Variants in KHDRBS3 observed in about 807,000 individuals in gnomAD.
KHDRBS3 encodes KH RNA binding domain containing, signal transduction associated 3, also known as KH domain-containing, RNA-binding, signal transduction-associated protein 3.
A neutral mutation model predicts 45.6 loss-of-function variants in KHDRBS3; 23 were observed. The observed-to-expected ratio is 0.50, with a 90% CI of 0.36 to 0.72. KHDRBS3 has a LOEUF of 0.72. Among genes scored for constraint, KHDRBS3 ranks in the 30% least tolerant of loss-of-function variants. KHDRBS3 has a pLI of 0.00. For missense variants in KHDRBS3, 352 were observed against 424.8 expected, an observed-to-expected ratio of 0.83 and a Z score of 1.51; for synonymous variants, 162 against 156.5, an observed-to-expected ratio of 1.04 and a Z score of -0.26.
At chr8:135,639,680 G>T (rs112996545) in intron 7 of KHDRBS3, among the ~76,000 whole-genome samples, 19 of 152,340 alleles carry the variant, frequency 1.2e-4, no homozygotes, top group African/African-American at 4.3e-4. Context: ...TCACAGTTCT[G>T]CAGGCTGTAC....
intron 1 of KHDRBS3, among the ~76,000 whole-genome samples, chr8:135,459,446 T>A (rs1586538261): frequency 6.6e-6 from 1 of 152,090 alleles, no homozygotes; most frequent in East Asian, 1.9e-4. Flanking sequence ...AGAAAAAAAA[T>A]TAAGTTTTAT....
chr8:135,493,159 G>A (rs1012524833), intron 1 of KHDRBS3, among the ~76,000 whole-genome samples: 4 of 151,624 alleles, frequency 2.6e-5, no homozygotes, highest in African/African-American at 9.7e-5. Flanking sequence ...CTCACTGCAA[G>A]CTCCGCCTCC....
chr8:135,502,219 G>A (rs1184827289), intron 1 of KHDRBS3, among the ~76,000 whole-genome samples: 1 of 152,096 alleles, frequency 6.6e-6, no homozygotes, highest in African/African-American at 2.4e-5. Flanking sequence ...TCCCAGTCCT[G>A]TCATAAAGGA....
chr8:135,610,080 A>G (rs899895247), intron 7 of KHDRBS3, among the ~76,000 whole-genome samples: 2 of 151,872 alleles, frequency 1.3e-5, no homozygotes, highest in African/African-American at 4.9e-5. Context: ...AGTCCATGTG[A>G]TCTTCTGGTT....
chr8:135,493,479 G>A (rs1186174049), intron 1 of KHDRBS3, among the ~76,000 whole-genome samples: 1 of 151,918 alleles, frequency 6.6e-6, no homozygotes, highest in Non-Finnish European at 1.5e-5. Flanking sequence ...TTTTATTCCT[G>A]TTTTGCTGCA....
intron 3 of KHDRBS3, among the ~76,000 whole-genome samples, chr8:135,545,653 C>T (rs1281169905): frequency 1.3e-5 from 2 of 152,080 alleles, no homozygotes; most frequent in African/African-American, 4.8e-5. Flanking sequence ...TAATGTAAAG[C>T]CCCAGTCTGT....
At chr8:135,557,657 A>C in intron 5 of KHDRBS3, 70 bp downstream of exon 5, 2 of 1,156,746 alleles carry the variant, frequency 1.7e-6, no homozygotes, top group African/African-American at 1.5e-5. Flanking sequence ...ATTAGTAGCC[A>C]AAACCAGTTC....
At chr8:135,620,040 T>C (rs908503567) in intron 7 of KHDRBS3, among the ~76,000 whole-genome samples, 1 of 152,084 alleles carries the variant, frequency 6.6e-6, no homozygotes, top group Non-Finnish European at 1.5e-5. Context: ...AGACTGTTTC[T>C]TCTATTAGAA....
intron 2 of KHDRBS3, among the ~76,000 whole-genome samples, chr8:135,523,719 T>C (rs1825033629): frequency 6.6e-6 from 1 of 152,160 alleles, no homozygotes; most frequent in African/African-American, 2.4e-5. Context: ...TTAAGAACAA[T>C]ATTAGTTACA....
intron 5 of KHDRBS3, among the ~76,000 whole-genome samples, chr8:135,559,819 C>T (rs1172199315): frequency 6.6e-6 from 1 of 152,136 alleles, no homozygotes; most frequent in African/African-American, 2.4e-5. Context: ...AGCAAACCTC[C>T]CAATCAAGAA....
intron 7 of KHDRBS3, among the ~76,000 whole-genome samples, chr8:135,619,276 A>G (rs1830040861): frequency 6.6e-6 from 1 of 152,242 alleles, no homozygotes; most frequent in Non-Finnish European, 1.5e-5. Context: ...ATAAAATAGA[A>G]GTATTTCATC....
chr8:135,537,007 TAGG>T (rs1825812443), intron 2 of KHDRBS3, among the ~76,000 whole-genome samples: 1 of 129,440 alleles, frequency 7.7e-6, no homozygotes, highest in Non-Finnish European at 1.6e-5. Context: ...AGGAGATGTT[TAGG>T]AGGTAAAATC....
intron 1 of KHDRBS3, among the ~76,000 whole-genome samples, chr8:135,468,964 T>G (rs1821839441): frequency 6.6e-6 from 1 of 152,236 alleles, no homozygotes; most frequent in Non-Finnish European, 1.5e-5. Context: ...AGGGTATTTT[T>G]CTTGTCATGA....
intron 2 of KHDRBS3, among the ~76,000 whole-genome samples, chr8:135,522,804 G>T (rs146615324): frequency 1.3e-5 from 2 of 152,070 alleles, no homozygotes; most frequent in African/African-American, 4.8e-5. Context: ...TTACTTTTAG[G>T]TCTATGATAG....
At chr8:135,589,322 C>G (rs553097046) in intron 6 of KHDRBS3, among the ~76,000 whole-genome samples, 2 of 152,142 alleles carry the variant, frequency 1.3e-5, no homozygotes, top group African/African-American at 4.8e-5. Context: ...CACCTCCCCC[C>G]ATAAGGAAGA....
At position 135,636,594 on chromosome 8, in the gene KHDRBS3, C is replaced by A. The variant is rs776815773; in HGVS notation, c.891-8465C>A. Among the ~76,000 whole-genome samples, 18 of 152,180 alleles carry A rather than the reference C, an allele frequency of 1.2e-4. 1 individual carries two copies. The highest frequency in any genetic ancestry group is 2.9e-5 in the Non-Finnish European group (2 of 68,030). On this transcript the variant is annotated intron_variant, in intron 7 of 8. Coordinates refer to ENST00000355849, the MANE Select transcript of KHDRBS3 (RefSeq NM_006558.3). ...TATTTTGAAAACTAAGATGCAGTAA[C>A]ACTGTGGGAGAGGTGGGCTCGTGAT...
chr8:135,471,752 C>G (rs923151425), intron 1 of KHDRBS3, among the ~76,000 whole-genome samples: 1 of 152,160 alleles, frequency 6.6e-6, no homozygotes, highest in Non-Finnish European at 1.5e-5. Flanking sequence ...TCTCTGAGCT[C>G]GTAGGGCTCC....
chr8:135,593,903 G>A (rs557227209), intron 6 of KHDRBS3, among the ~76,000 whole-genome samples: 1 of 152,278 alleles, frequency 6.6e-6, no homozygotes, highest in South Asian at 2.1e-4. Flanking sequence ...AATGTGGTAA[G>A]ACTTTAGAGG....
intron 7 of KHDRBS3, among the ~76,000 whole-genome samples, chr8:135,635,371 G>GTGTTTGTTTGTT (rs561791144): frequency 2.0e-4 from 31 of 151,888 alleles, no homozygotes; most frequent in African/African-American, 5.8e-4. Flanking sequence ...GCAGGTAGTA[G>GTGTTTGTTTGTT]TGTTTGTTTG....
Sources: gnomAD v4.1 joint callset for allele counts (sites outside exome capture counted in the v4.1 genomes callset) on GRCh38, gnomAD v4.1.1 for gene constraint, MANE v1.5 for transcripts, NCBI Gene and HGNC (gene_info 2026-07-23, HGNC 2026-07-21) for gene names.